Variants in AEBP2 observed in about 807,000 individuals in gnomAD.
AEBP2 encodes zinc finger protein AEBP2.
Under a neutral mutation model 50.8 loss-of-function variants are expected in AEBP2, and 10 were observed. That is an observed-to-expected ratio of 0.20 (90% confidence interval 0.12 to 0.33). The LOEUF is 0.33. AEBP2 is among the 10% of genes least tolerant of loss of function. The pLI is 1.00. For missense variants in AEBP2, 570 were observed against 688.0 expected (o/e 0.83, Z 1.92); for synonymous variants, 296 against 261.3 (o/e 1.13, Z -1.28).
chr12:19,518,723 G>T lies in AEBP2; in HGVS notation c.*606G>T. On this transcript the variant is annotated 3_prime_UTR_variant, in exon 8 of 8. Coordinates refer to ENST00000266508, the MANE Select transcript of AEBP2 (RefSeq NM_153207.5). ...ATTTGTATTTAAGCAAACAGTGAAC[G>T]ACGTTTGCAATCAACTAAAAATTCG... is the stretch of plus-strand genomic sequence containing the variant. 6.7e-7 allele frequency: 1 copy of T among 1,488,542 alleles called. No homozygotes were observed. Among genetic ancestry groups the T allele is most frequent in the South Asian group, 1.3e-5 (1 of 76,814 alleles). 92.2% of individuals were successfully genotyped at this position (1,488,542 alleles called of 1,614,324 possible).
intron 1 of AEBP2, among the ~76,000 whole-genome samples, chr12:19,457,799 A>C (rs1948297297): frequency 6.6e-6 from 1 of 152,226 alleles, no homozygotes; most frequent in Non-Finnish European, 1.5e-5. Flanking sequence ...GAAATGCTTT[A>C]TCTCAGGACC....
At chr12:19,423,578 A>G (rs2095746977) in intron 1 of AEBP2, among the ~76,000 whole-genome samples, 2 of 152,352 alleles carry the variant, frequency 1.3e-5, no homozygotes, top group South Asian at 2.1e-4. Context: ...TCGCAGGGGC[A>G]GGCATGTTTA....
intron 1 of AEBP2, among the ~76,000 whole-genome samples, chr12:19,419,773 T>C (rs990109335): frequency 6.7e-6 from 1 of 150,250 alleles, no homozygotes; most frequent in Non-Finnish European, 1.5e-5. Context: ...CTACTAAAAA[T>C]ACAAAAATTA....
At chr12:19,447,538 T>G (rs1948093429) in intron 1 of AEBP2, among the ~76,000 whole-genome samples, 1 of 152,226 alleles carries the variant, frequency 6.6e-6, no homozygotes, top group Admixed American at 6.5e-5. Flanking sequence ...CAACCGTCAC[T>G]AGAATAACTA....
intron 1 of AEBP2, among the ~76,000 whole-genome samples, chr12:19,441,961 T>C (rs953297873): frequency 3.3e-5 from 5 of 152,204 alleles, no homozygotes; most frequent in Non-Finnish European, 7.3e-5. Context: ...TGGTGCAAGA[T>C]AGGTATTATT....
At chr12:19,424,938 G>A (rs2095747774) in intron 1 of AEBP2, among the ~76,000 whole-genome samples, 1 of 152,114 alleles carries the variant, frequency 6.6e-6, no homozygotes, top group Non-Finnish European at 1.5e-5. Context: ...GAACCCAGGA[G>A]GTGGAGGTTG....
intron 1 of AEBP2, among the ~76,000 whole-genome samples, chr12:19,448,538 T>C (rs1056952360): frequency 2.0e-5 from 3 of 152,182 alleles, no homozygotes; most frequent in African/African-American, 7.2e-5. Context: ...GAACTTGCCT[T>C]CTGCACTCAC....
chr12:19,483,542 G>T (rs1948761579), intron 3 of AEBP2, among the ~76,000 whole-genome samples: 1 of 152,090 alleles, frequency 6.6e-6, no homozygotes, highest in Non-Finnish European at 1.5e-5. Flanking sequence ...AAAAGTTCAC[G>T]GTGCGAGTCT....
chr12:19,455,002 G>T (rs1172917522), intron 1 of AEBP2, among the ~76,000 whole-genome samples: 5 of 150,450 alleles, frequency 3.3e-5, no homozygotes, highest in Admixed American at 2.7e-4. Context: ...GTGGTTCTCA[G>T]ATTTTTTTTT....
intron 4 of AEBP2, among the ~76,000 whole-genome samples, chr12:19,498,453 C>T (rs1333494621): frequency 1.3e-5 from 2 of 152,062 alleles, no homozygotes; most frequent in Non-Finnish European, 2.9e-5. Context: ...TAGGTATGTT[C>T]TATTTGATGT....
At chr12:19,464,013 G>A (rs1177821085) in intron 2 of AEBP2, among the ~76,000 whole-genome samples, 1 of 152,184 alleles carries the variant, frequency 6.6e-6, no homozygotes, top group African/African-American at 2.4e-5. Context: ...ATATTATAAT[G>A]TGTCAGCAGT....
At chr12:19,419,567 C>A (rs574290514) in intron 1 of AEBP2, among the ~76,000 whole-genome samples, 3 of 150,190 alleles carry the variant, frequency 2.0e-5, no homozygotes, top group Non-Finnish European at 4.4e-5. Flanking sequence ...CCAGCCTGGG[C>A]GACAGAGAGA....
intron 7 of AEBP2, among the ~76,000 whole-genome samples, chr12:19,515,824 G>T (rs546459305): frequency 6.6e-6 from 1 of 152,160 alleles, no homozygotes; most frequent in African/African-American, 2.4e-5. Flanking sequence ...TTTTGGCTGG[G>T]CCCAGTGGCT....
At position 19,439,932 on chromosome 12, in the gene AEBP2, A is replaced by G; in HGVS notation, c.233A>G (p.Glu78Gly). The G allele has an allele frequency of 1.3e-6, 2 of 1,506,766 alleles. No individual in the cohort carries two copies. The highest frequency in any genetic ancestry group is 1.8e-6 in the Non-Finnish European group (2 of 1,135,892). 93.3% of individuals were successfully genotyped at this position (1,506,766 alleles called of 1,614,324 possible). ...GGGGGGVGGG[E>G]AETMSEPSPE... ...GGCGGCGGAGGAGTGGGGGGCGGCG[A>G]GGCAGAGACGATGTCGGAGCCGAGC... The change falls in exon 1 of 8, where the codon GAG becomes GGG. Residue 78 changes from glutamate to glycine, a missense_variant. By Grantham distance (98) the Glu-to-Gly change is moderately conservative. Transcript: ENST00000266508.
At position 19,521,256 on chromosome 12, in the gene AEBP2, C is replaced by T. The variant is rs1445849867; in HGVS notation, c.*3139C>T. ...GACAATGTTGATCTTGGTAATAAGC[C>T]AGTACATTAAATTTTAGTGAAAGCT... is the stretch of plus-strand genomic sequence containing the variant. On this transcript the variant is annotated 3_prime_UTR_variant, in exon 8 of 8. Transcript: ENST00000266508. 1 of 152,106 alleles carries T rather than the reference C, an allele frequency of 6.6e-6. No individual in the cohort carries two copies. 9.4% of individuals were successfully genotyped at this position (152,106 alleles called of 1,614,324 possible).
chr12:19,457,493 G>C, intron 1 of AEBP2: 4 of 1,501,866 alleles, frequency 2.7e-6, no homozygotes, highest in African/African-American at 2.8e-5. Context: ...ACTTGAAGGA[G>C]CCCTTTCCCA....
chr12:19,406,476 C>T (rs948680783), intron 1 of AEBP2, among the ~76,000 whole-genome samples: 4 of 151,904 alleles, frequency 2.6e-5, no homozygotes, highest in African/African-American at 9.7e-5. Flanking sequence ...GTCAGGAGTT[C>T]GAGATCAGCC....
intron 3 of AEBP2, among the ~76,000 whole-genome samples, 179 bp from the exon 4 acceptor site, chr12:19,493,621 C>T (rs986818227): frequency 6.6e-6 from 1 of 152,142 alleles, no homozygotes; most frequent in Non-Finnish European, 1.5e-5. Context: ...TGTATGTCAT[C>T]TTACTTGGCA....
chr12:19,424,404 C>T (rs28656446), intron 1 of AEBP2, among the ~76,000 whole-genome samples: 3,187 of 147,994 alleles, frequency 0.022, 42 homozygotes, highest in East Asian at 0.041. Flanking sequence ...GTCTTTTTTT[C>T]TTTTTTTTTT....
Sources: gnomAD v4.1 joint callset for allele counts (sites outside exome capture counted in the v4.1 genomes callset) on GRCh38, gnomAD v4.1.1 for gene constraint, MANE v1.5 for transcripts, NCBI Gene and HGNC (gene_info 2026-07-23, HGNC 2026-07-21) for gene names.